Variants in MAGI2 observed in about 807,000 individuals in gnomAD.
MAGI2 encodes the protein membrane associated guanylate kinase, WW and PDZ domain containing 2.
MAGI2 carries 35 observed loss-of-function variants against 133.3 expected under a neutral mutation model. The ratio of observed to expected loss-of-function variants is 0.26; its 90% CI spans 0.20 to 0.35. MAGI2 has a LOEUF of 0.35. Ranked by LOEUF, MAGI2 falls within the 10% of genes least tolerant of loss-of-function variation. The probability of loss-of-function intolerance (pLI) is 1.00; values close to 1 mark genes in which losing one functional copy is unlikely to be tolerated. For synonymous variants in MAGI2, 729 were observed against 710.6 expected (o/e 1.03, Z -0.41); for missense variants, 1,636 against 1,863.4 (o/e 0.88, Z 2.25).
intron 1 of MAGI2, among the ~76,000 whole-genome samples, chr7:79,130,743 G>A (rs573221587): frequency 3.3e-5 from 5 of 152,280 alleles, no homozygotes; most frequent in African/African-American, 1.2e-4. Context: ...TGACCTTCAT[G>A]TGCCATGTGC....
At chr7:78,092,102 C>T (rs1238227225) in intron 20 of MAGI2, among the ~76,000 whole-genome samples, 1 of 152,132 alleles carries the variant, frequency 6.6e-6, no homozygotes, top group Non-Finnish European at 1.5e-5. Context: ...GTGGGATCAC[C>T]AATGTCCTTG....
At position 78,343,764 on chromosome 7, in the gene MAGI2, A is replaced by G. The variant is rs1307909921; in HGVS notation, c.1408+14T>C. The G allele has an allele frequency of 6.7e-7, 1 of 1,485,516 alleles. No homozygotes were observed. The highest frequency in any genetic ancestry group is 8.9e-7 in the Non-Finnish European group (1 of 1,117,578). 92.0% of individuals were successfully genotyped at this position (1,485,516 alleles called of 1,614,324 possible). On this transcript the variant is annotated intron_variant, in intron 9 of 21. Transcript: ENST00000354212. ...ATGTTGCAAAACAATTTTCTAAACC[A>G]TGAAGGACCTTACCTGTTTCCATTT...
intron 21 of MAGI2, among the ~76,000 whole-genome samples, chr7:78,026,790 C>A (rs1364868202): frequency 6.6e-6 from 1 of 152,190 alleles, no homozygotes; most frequent in Admixed American, 6.5e-5. Context: ...TCCTACATTG[C>A]TTTCCTACTC....
In MAGI2 at chr7:78,535,477, CAAAGGT is replaced by C. The variant is rs542559442; in HGVS notation, c.539-13838_539-13833del. Among the ~76,000 whole-genome samples, 38 of 152,214 alleles carry C rather than the reference CAAAGGT, an allele frequency of 2.5e-4. 1 individual carries two copies. In the South Asian group the frequency reaches 7.9e-3, roughly 32 times the overall value. Reference sequence around the variant, plus strand: ...TCTTGAGGTCAATGAGGGATATTTACAAAGGTAAAGATGTTATCTTTGAAACTGCCT... The same window carrying C: ...TCTTGAGGTCAATGAGGGATATTTACAAAGATGTTATCTTTGAAACTGCCT... On this transcript the variant is annotated intron_variant, in intron 3 of 21. Transcript: ENST00000354212.
chr7:78,641,806 A>G (rs1056632309), intron 2 of MAGI2, among the ~76,000 whole-genome samples: 2 of 152,222 alleles, frequency 1.3e-5, no homozygotes, highest in African/African-American at 4.8e-5. Flanking sequence ...CTCAAGAAGC[A>G]AGAGAGGATT....
chr7:78,937,204 A>C (rs1800581505), intron 2 of MAGI2, among the ~76,000 whole-genome samples: 1 of 152,140 alleles, frequency 6.6e-6, no homozygotes, highest in African/African-American at 2.4e-5. Context: ...CCCAATGTCC[A>C]AATCTGGGAC....
chr7:78,955,102 C>T (rs1440876480), intron 2 of MAGI2, among the ~76,000 whole-genome samples: 2 of 152,056 alleles, frequency 1.3e-5, no homozygotes, highest in Non-Finnish European at 2.9e-5. Flanking sequence ...CCCTTATTGT[C>T]TCACTATTAT....
chr7:79,379,730 T>G (rs1843649608), intron 1 of MAGI2, among the ~76,000 whole-genome samples: 1 of 152,026 alleles, frequency 6.6e-6, no homozygotes, highest in Non-Finnish European at 1.5e-5. Flanking sequence ...GAGCATTTTT[T>G]CATGTGTCTT....
Position 78,442,071 on chromosome 7 carries a change from G to A in MAGI2, c.1045+47690C>T, listed in dbSNP as rs572724950. On this transcript the variant is annotated intron_variant, in intron 6 of 21. Coordinates refer to ENST00000354212, the MANE Select transcript of MAGI2 (RefSeq NM_012301.4). ...TCCTCCTTCTTTAGAAGGCAACTAT[G>A]ACTATGAGCCTTTGCTACACAAACT... Among the ~76,000 whole-genome samples the A allele has an allele frequency of 5.9e-5, 9 of 152,282 alleles. No individual in the cohort carries two copies. In the East Asian group the frequency reaches 1.7e-3, roughly 29 times the overall value.
chr7:78,178,961 TATTAAATATA>T (rs1826933076), intron 13 of MAGI2, among the ~76,000 whole-genome samples: 2 of 152,194 alleles, frequency 1.3e-5, no homozygotes, highest in Admixed American at 1.3e-4. Flanking sequence ...AAACTAAAAC[TATTAAATATA>T]AAAAGTTTTG....
At chr7:78,427,786 T>C (rs1220198830) in intron 6 of MAGI2, among the ~76,000 whole-genome samples, 2 of 152,158 alleles carry the variant, frequency 1.3e-5, no homozygotes, top group African/African-American at 4.8e-5. Flanking sequence ...TTCCAATCTC[T>C]CTGTATTGGC....
At position 79,215,160 on chromosome 7, in the gene MAGI2, C is replaced by A. The variant is rs182551020; in HGVS notation, c.302-207954G>T. 1.4e-3 allele frequency among the ~76,000 whole-genome samples: 209 copies of A among 151,736 alleles called. 1 individual carries two copies. Among genetic ancestry groups the A allele is most frequent in the African/African-American group, 4.9e-3 (201 of 41,168 alleles). ...CCCACCTCCCTTTGGAATTCAGGAA[C>A]AACTGACCAGCGTTAACATTAAAAC... On this transcript the variant is annotated intron_variant, in intron 1 of 21. Transcript: ENST00000354212.
chr7:79,400,541 G>A (rs535912891), intron 1 of MAGI2, among the ~76,000 whole-genome samples: 1 of 152,218 alleles, frequency 6.6e-6, no homozygotes, highest in Admixed American at 6.5e-5. Flanking sequence ...TTGCCCTGTG[G>A]CTTCACTGCA....
chr7:79,133,224 A>G (rs1821095009), intron 1 of MAGI2, among the ~76,000 whole-genome samples: 1 of 152,138 alleles, frequency 6.6e-6, no homozygotes, highest in Non-Finnish European at 1.5e-5. Context: ...TTCTTTGCCT[A>G]TGCCGATGTC....
chr7:78,206,810 A>G (rs912870011), intron 10 of MAGI2, among the ~76,000 whole-genome samples: 15 of 152,228 alleles, frequency 9.9e-5, no homozygotes, highest in African/African-American at 2.9e-4. Context: ...ACTAAATATG[A>G]TGGAGATGCT....
chr7:78,309,321 A>G (rs1025831258), intron 9 of MAGI2, among the ~76,000 whole-genome samples: 60 of 152,236 alleles, frequency 3.9e-4, no homozygotes, highest in African/African-American at 1.3e-3. Context: ...GATAAAGAAA[A>G]TATGATACAT....
intron 1 of MAGI2, among the ~76,000 whole-genome samples, chr7:79,077,295 C>A (rs142226980): frequency 6.6e-6 from 1 of 151,932 alleles, no homozygotes; most frequent in African/African-American, 2.4e-5. Flanking sequence ...CGGTGGCTCA[C>A]GCCTGTAATC....
intron 6 of MAGI2, among the ~76,000 whole-genome samples, chr7:78,472,760 C>T (rs1183388915): frequency 6.6e-6 from 1 of 152,116 alleles, no homozygotes; most frequent in Non-Finnish European, 1.5e-5. Flanking sequence ...GTGCATCATC[C>T]TAAACATATG....
At chr7:79,330,997 A>C (rs761518652) in intron 1 of MAGI2, among the ~76,000 whole-genome samples, 295 of 152,268 alleles carry the variant, frequency 1.9e-3, no homozygotes, top group Non-Finnish European at 3.2e-3. Context: ...TTCATTCTTT[A>C]ATTATTTTTC....
Sources: allele counts gnomAD v4.1 joint callset (sites outside exome capture counted in the v4.1 genomes callset), GRCh38; gene constraint gnomAD v4.1.1; transcripts MANE v1.5; gene names NCBI Gene and HGNC (gene_info 2026-07-23, HGNC 2026-07-21).